ADCY3: variants seen among roughly 807,000 people sequenced by gnomAD.
The protein encoded by ADCY3 is adenylate cyclase 3.
ADCY3 carries 70 observed loss-of-function variants against 119.4 expected under a neutral mutation model. The observed-to-expected ratio is 0.59, with a 90% CI of 0.48 to 0.72. ADCY3 has a LOEUF of 0.72. Ranked by LOEUF, ADCY3 falls within the 30% of genes least tolerant of loss-of-function variation. ADCY3 has a pLI of 0.00. For missense variants in ADCY3, 1,238 were observed against 1,541.6 expected (o/e 0.80, Z 3.30); for synonymous variants, 672 against 621.4 (o/e 1.08, Z -1.21).
At chr2:24,851,049 C>T (rs1672234508) in intron 3 of ADCY3, among the ~76,000 whole-genome samples, 1 of 152,150 alleles carries the variant, frequency 6.6e-6, no homozygotes, top group African/African-American at 2.4e-5. Context: ...TTTAAAAATA[C>T]TTTTTAAACT....
chr2:24,875,274 G>C (rs550993611), intron 2 of ADCY3, among the ~76,000 whole-genome samples: 3 of 152,208 alleles, frequency 2.0e-5, no homozygotes, highest in Non-Finnish European at 4.4e-5. Context: ...GCTGCCCCCT[G>C]TTCCATCCCT....
At chr2:24,831,904 C>CAGG (rs1669578193) in intron 11 of ADCY3, among the ~76,000 whole-genome samples, 155 bp from the exon 12 acceptor site, 1 of 62,582 alleles carries the variant, frequency 1.6e-5, no homozygotes, top group African/African-American at 6.3e-5. Context: ...CAGGGGACAG[C>CAGG]GGACAGGGGC....
At chr2:24,847,463 A>G (rs554227754) in intron 3 of ADCY3, among the ~76,000 whole-genome samples, 3 of 152,168 alleles carry the variant, frequency 2.0e-5, no homozygotes, top group African/African-American at 7.2e-5. Flanking sequence ...GCATGGCACT[A>G]CAGCTCAGGA....
chr2:24,821,338 T>G, intron 20 of ADCY3, 179 bp downstream of exon 20: 1 of 874,842 alleles, frequency 1.1e-6, no homozygotes, highest in Non-Finnish European at 1.7e-6. Flanking sequence ...GGTTTTTGGT[T>G]TAGTCATCTA....
At chr2:24,912,657 C>T (rs1183994702) in intron 2 of ADCY3, among the ~76,000 whole-genome samples, 1 of 151,642 alleles carries the variant, frequency 6.6e-6, no homozygotes, top group East Asian at 1.9e-4. Flanking sequence ...ACCCAGTTAC[C>T]CACCCCTGGC....
intron 3 of ADCY3, among the ~76,000 whole-genome samples, chr2:24,869,357 A>G (rs55985335): frequency 0.061 from 9,327 of 152,232 alleles, 379 homozygotes; most frequent in East Asian, 0.094. Context: ...ATCTTCCCCT[A>G]AAGAACACTC....
intron 3 of ADCY3, among the ~76,000 whole-genome samples, chr2:24,868,037 T>A (rs1674509324): frequency 1.3e-5 from 2 of 152,170 alleles, no homozygotes; most frequent in Admixed American, 6.5e-5. Context: ...TTTGGCAGAA[T>A]ATACATTATT....
Position 24,819,972 on chromosome 2 carries a change from G to A in ADCY3, c.3395C>T (p.Pro1132Leu). Residue 1132 changes from proline to leucine, a missense_variant, in exon 22 of 22, where the codon CCC becomes CTC. Physicochemically the swap from Pro to Leu is moderately conservative, Grantham distance 98. This residue lies in a region of ADCY3 where 86 missense variants were observed against 70.7 expected (regional missense o/e 1.22). Coordinates refer to ENST00000679454, the MANE Select transcript of ADCY3 (RefSeq NM_004036.5). Reference protein sequence around the residue: ...RDKLATFPNGPSVTLPHQVVD... With the variant: ...RDKLATFPNGLSVTLPHQVVD... ...CACCTGGTGGGGCAGTGTGACAGAG[G>A]GGCCATTGGGGAAGGTGGCTAGCTT... is the stretch of plus-strand genomic sequence containing the variant. 1.2e-6 allele frequency: 2 copies of A among 1,613,770 alleles called. No homozygotes were observed. The highest frequency in any genetic ancestry group is 8.5e-7 in the Non-Finnish European group (1 of 1,179,862).
intron 2 of ADCY3, among the ~76,000 whole-genome samples, chr2:24,895,387 A>G (rs1678136193): frequency 6.6e-6 from 1 of 151,954 alleles, no homozygotes; most frequent in African/African-American, 2.4e-5. Flanking sequence ...ACGCCTGACC[A>G]ATTCTCTTCA....
chr2:24,863,727 T>C (rs557456038), intron 3 of ADCY3, among the ~76,000 whole-genome samples: 1 of 152,320 alleles, frequency 6.6e-6, no homozygotes, highest in East Asian at 1.9e-4. Context: ...TTGCCAAATA[T>C]TACACAGTGT....
At chr2:24,912,742 A>G (rs1324512514) in intron 2 of ADCY3, among the ~76,000 whole-genome samples, 2 of 152,296 alleles carry the variant, frequency 1.3e-5, no homozygotes, top group East Asian at 3.9e-4. Context: ...AATAAACACG[A>G]GGAGTCCAGT....
At chr2:24,901,014 G>A (rs561794914) in intron 2 of ADCY3, among the ~76,000 whole-genome samples, 21 of 152,166 alleles carry the variant, frequency 1.4e-4, no homozygotes, top group East Asian at 3.8e-4. Flanking sequence ...GCAGTGAGCC[G>A]AGATCATGCC....
In ADCY3 at chr2:24,899,310, T is replaced by G. The variant is rs1197863607; in HGVS notation, c.675+19003A>C. Among the ~76,000 whole-genome samples, 1 of 152,246 alleles carries G rather than the reference T, an allele frequency of 6.6e-6. No homozygotes were observed. Among genetic ancestry groups the G allele is most frequent in the African/African-American group, 2.4e-5 (1 of 41,468 alleles). On this transcript the variant is annotated intron_variant, in intron 2 of 21. Coordinates refer to ENST00000679454, the MANE Select transcript of ADCY3 (RefSeq NM_004036.5). This position sits in a 1 kb window ranked among gnomAD's most constrained non-coding sequence, Gnocchi z 4.5. ...CTCTTCTGCCCTGTGAGGTGATGAC[T>G]GTATTGATTTTGATGCCTTCTTCAA...
chr2:24,834,619 C>G lies in ADCY3; in HGVS notation c.1833G>C (p.Leu611Phe), dbSNP rs748198363. 3 of 1,614,122 alleles carry G rather than the reference C, an allele frequency of 1.9e-6. No individual in the cohort carries two copies. Among genetic ancestry groups the G allele is most frequent in the Non-Finnish European group, 2.5e-6 (3 of 1,180,022 alleles). The part of the protein sequence containing the change: ...QVVKKRNTFL[L>F]SMRFMDPEME... ...TCTCGGGGTCCATGAACCGCATGGA[C>G]AAGAGGAAGGTGTTTCTCTTCTTTA... Residue 611 changes from leucine to phenylalanine, a missense_variant, in exon 11 of 22, where the codon TTG becomes TTC. By Grantham distance (22) the Leu-to-Phe change is conservative. This residue lies in a region of ADCY3 where 499 missense variants were observed against 571.0 expected (regional missense o/e 0.87). Coordinates refer to ENST00000679454, the MANE Select transcript of ADCY3 (RefSeq NM_004036.5). The surrounding 1 kb of genome is among the most constrained non-coding windows in gnomAD (Gnocchi z 4.2).
chr2:24,827,830 T>A, intron 14 of ADCY3, 72 bp downstream of exon 14: 3 of 1,593,042 alleles, frequency 1.9e-6, no homozygotes, highest in African/African-American at 1.3e-5. Flanking sequence ...CACAGGCCCA[T>A]GAGCTTGAAC....
At chr2:24,904,924 A>C (rs942191737) in intron 2 of ADCY3, among the ~76,000 whole-genome samples, 1 of 152,036 alleles carries the variant, frequency 6.6e-6, no homozygotes, top group African/African-American at 2.4e-5. Context: ...TACAGATGTG[A>C]GCCAATGCGA....
intron 3 of ADCY3, among the ~76,000 whole-genome samples, chr2:24,853,615 G>A (rs1326759573): frequency 6.6e-6 from 1 of 151,838 alleles, no homozygotes; most frequent in Non-Finnish European, 1.5e-5. Flanking sequence ...GACTGCAGGT[G>A]CACACCATCA....
intron 3 of ADCY3, among the ~76,000 whole-genome samples, chr2:24,851,426 A>G (rs1672280101): frequency 6.6e-6 from 1 of 152,190 alleles, no homozygotes; most frequent in African/African-American, 2.4e-5. Flanking sequence ...CTTCTGCATC[A>G]ACCCGGTATT....
At chr2:24,881,519 C>T (rs1676401203) in intron 2 of ADCY3, among the ~76,000 whole-genome samples, 1 of 152,236 alleles carries the variant, frequency 6.6e-6, no homozygotes, top group Non-Finnish European at 1.5e-5. Context: ...CAGCATGAGG[C>T]ACAGCCTTCC....
Sources: allele counts gnomAD v4.1 joint callset (sites outside exome capture counted in the v4.1 genomes callset), GRCh38; gene constraint gnomAD v4.1.1; regional missense constraint gnomAD v4.1.1; non-coding constraint Gnocchi (gnomAD v3.1); transcripts MANE v1.5; gene names NCBI Gene and HGNC (gene_info 2026-07-23, HGNC 2026-07-21).